Variants in TMTC1 observed in about 807,000 individuals in gnomAD.
The protein encoded by TMTC1 is transmembrane O-mannosyltransferase targeting cadherins 1, also known as protein O-mannosyl-transferase TMTC1.
TMTC1 carries 73 observed loss-of-function variants against 104.8 expected under a neutral mutation model. The ratio of observed to expected loss-of-function variants is 0.70; its 90% CI spans 0.58 to 0.85. The LOEUF (loss-of-function observed/expected upper bound fraction) is 0.85, where lower values mean the gene tolerates loss of function less well. Ranked by LOEUF, TMTC1 falls within the 40% of genes least tolerant of loss-of-function variation. The pLI, the probability that TMTC1 is intolerant of heterozygous loss-of-function variation, is 0.00. For synonymous variants in TMTC1, 434 were observed against 428.7 expected (o/e 1.01, Z -0.15); for missense variants, 1,035 against 1,096.1 (o/e 0.94, Z 0.79).
intron 10 of TMTC1, among the ~76,000 whole-genome samples, chr12:29,552,611 C>CCAAGG (rs1565665754): frequency 6.6e-6 from 1 of 152,150 alleles, no homozygotes; most frequent in East Asian, 1.9e-4. Context: ...TATTTCCTTA[C>CCAAGG]TAAAGGACTT....
At chr12:29,647,958 C>T in intron 5 of TMTC1, among the ~76,000 whole-genome samples, 1 of 152,166 alleles carries the variant, frequency 6.6e-6, no homozygotes, top group East Asian at 1.9e-4. Flanking sequence ...GGCAGCAGAG[C>T]ATGGCTATGG....
chr12:29,608,756 G>A (rs2182547), intron 6 of TMTC1, among the ~76,000 whole-genome samples: 35,666 of 151,972 alleles, frequency 0.23, 4,962 homozygotes, highest in East Asian at 0.38. Flanking sequence ...TGAGAGGGTC[G>A]CTCAGTCACC....
intron 7 of TMTC1, among the ~76,000 whole-genome samples, chr12:29,591,217 C>T (rs763958807): frequency 1.3e-5 from 2 of 152,202 alleles, no homozygotes; most frequent in African/African-American, 2.4e-5. Context: ...GAAACTTCAT[C>T]TTTCAACATC....
At chr12:29,628,233 G>A (rs1938105476) in intron 6 of TMTC1, among the ~76,000 whole-genome samples, 1 of 152,142 alleles carries the variant, frequency 6.6e-6, no homozygotes, top group African/African-American at 2.4e-5. Flanking sequence ...ACCCTAAGTG[G>A]ATGGTGGTGG....
At position 29,506,993 on chromosome 12, in the gene TMTC1, G is replaced by A. The variant is rs963109633; in HGVS notation, c.2509-7C>T. The A allele has an allele frequency of 6.2e-7, 1 of 1,612,014 alleles. No homozygotes were observed. Among genetic ancestry groups the A allele is most frequent in the East Asian group, 2.2e-5 (1 of 44,856 alleles). On this transcript the variant is annotated splice_region_variant and splice_polypyrimidine_tract_variant and intron_variant, in intron 17 of 17. Coordinates refer to ENST00000539277, the MANE Select transcript of TMTC1 (RefSeq NM_001193451.2). ...TTGCAGACACATATTTTCCCTGGGG[G>A]TGGGAAAGAGGGAGCAATTACATTC...
chr12:29,695,068 C>T (rs190558612), intron 5 of TMTC1, among the ~76,000 whole-genome samples: 1 of 152,168 alleles, frequency 6.6e-6, no homozygotes, highest in African/African-American at 2.4e-5. Context: ...CCTCTTTGCA[C>T]AGCTCCTGGT....
At chr12:29,654,759 T>C (rs1939677966) in intron 5 of TMTC1, among the ~76,000 whole-genome samples, 1 of 151,304 alleles carries the variant, frequency 6.6e-6, no homozygotes, top group South Asian at 2.1e-4. Context: ...AGCCATATAA[T>C]GGAATGCTAC....
At chr12:29,650,873 G>T (rs1225912447) in intron 5 of TMTC1, among the ~76,000 whole-genome samples, 1 of 152,116 alleles carries the variant, frequency 6.6e-6, no homozygotes, top group African/African-American at 2.4e-5. Flanking sequence ...TAGAGGGGGA[G>T]AAAAAGATAT....
intron 10 of TMTC1, among the ~76,000 whole-genome samples, chr12:29,542,266 A>G (rs901930459): frequency 1.3e-5 from 2 of 152,170 alleles, no homozygotes; most frequent in Non-Finnish European, 2.9e-5. Flanking sequence ...CTCATGTGAT[A>G]CTAAAGACAC....
At chr12:29,654,917 C>T (rs935634543) in intron 5 of TMTC1, among the ~76,000 whole-genome samples, 3 of 152,126 alleles carry the variant, frequency 2.0e-5, no homozygotes, top group Non-Finnish European at 4.4e-5. Flanking sequence ...TGGAGTCTTG[C>T]TCTGTCACCA....
chr12:29,630,048 C>T (rs1300578115), intron 6 of TMTC1, among the ~76,000 whole-genome samples: 3 of 152,138 alleles, frequency 2.0e-5, no homozygotes, highest in African/African-American at 7.2e-5. Flanking sequence ...TTCACTACCA[C>T]AATCATATTT....
chr12:29,758,152 T>C (rs1796176402), intron 3 of TMTC1, among the ~76,000 whole-genome samples: 1 of 152,170 alleles, frequency 6.6e-6, no homozygotes, highest in Non-Finnish European at 1.5e-5. Flanking sequence ...AAAGGTGTAA[T>C]ATAATGGGAA....
intron 1 of TMTC1, chr12:29,782,674 A>C (rs7305813): frequency 0.15 from 22,106 of 152,144 alleles, 1,853 homozygotes; most frequent in Middle Eastern, 0.24. Context: ...TCCACCCCTC[A>C]AAAACCTGGC....
chr12:29,536,148 G>A, intron 11 of TMTC1, 61 bp downstream of exon 11: 1 of 1,094,998 alleles, frequency 9.1e-7, no homozygotes, highest in Non-Finnish European at 1.4e-6. Context: ...AAAAATCTGT[G>A]TAACATTAAT....
At chr12:29,642,720 T>C (rs1000358936) in intron 5 of TMTC1, among the ~76,000 whole-genome samples, 1 of 151,784 alleles carries the variant, frequency 6.6e-6, no homozygotes, top group Non-Finnish European at 1.5e-5. Flanking sequence ...GGTCAGGAGA[T>C]CAAGACCATT....
intron 9 of TMTC1, among the ~76,000 whole-genome samples, chr12:29,563,120 T>C (rs921798961): frequency 1.3e-5 from 2 of 152,212 alleles, no homozygotes; most frequent in African/African-American, 4.8e-5. Context: ...ATTTTAAGAA[T>C]GTAGGAATGT....
intron 11 of TMTC1, chr12:29,534,102 G>C (rs947733521): frequency 6.6e-6 from 1 of 152,180 alleles, no homozygotes; most frequent in African/African-American, 2.4e-5. Flanking sequence ...TGAAATGCCA[G>C]GATGCTGTTA....
chr12:29,635,932 C>T (rs575065465), intron 5 of TMTC1, among the ~76,000 whole-genome samples: 4 of 152,280 alleles, frequency 2.6e-5, no homozygotes, highest in South Asian at 4.1e-4. Context: ...TGTTTGGATG[C>T]TAATTCAAAG....
chr12:29,619,538 A>T (rs1187962532), intron 6 of TMTC1, among the ~76,000 whole-genome samples: 1 of 152,238 alleles, frequency 6.6e-6, no homozygotes. Context: ...CGTTGTTCCA[A>T]CCCCTGATAC....
Sources: gnomAD v4.1 joint callset for allele counts (sites outside exome capture counted in the v4.1 genomes callset) on GRCh38, gnomAD v4.1.1 for gene constraint, MANE v1.5 for transcripts, NCBI Gene and HGNC (gene_info 2026-07-23, HGNC 2026-07-21) for gene names.